Variants in RAPGEF1 observed in about 807,000 individuals in gnomAD.
The protein encoded by RAPGEF1 is Rap guanine nucleotide exchange factor 1.
Under a neutral mutation model 143.3 loss-of-function variants are expected in RAPGEF1, and 33 were observed. The observed-to-expected ratio is 0.23, with a 90% CI of 0.17 to 0.31. RAPGEF1 has a LOEUF of 0.31. Ranked by LOEUF, RAPGEF1 falls within the 10% of genes least tolerant of loss-of-function variation. The probability of loss-of-function intolerance (pLI) is 1.00; values close to 1 mark genes in which losing one functional copy is unlikely to be tolerated. For missense variants in RAPGEF1, 1,199 were observed against 1,645.4 expected (o/e 0.73, Z 4.69); for synonymous variants, 629 against 676.5 (o/e 0.93, Z 1.09).
At chr9:131,724,799 A>G (rs970881251) in intron 1 of RAPGEF1, among the ~76,000 whole-genome samples, 1 of 152,182 alleles carries the variant, frequency 6.6e-6, no homozygotes, top group Non-Finnish European at 1.5e-5. Context: ...AGATCTTGTG[A>G]TTCTGTTCTC....
intron 1 of RAPGEF1, among the ~76,000 whole-genome samples, chr9:131,657,543 C>T (rs1320270024): frequency 6.6e-6 from 1 of 152,234 alleles, no homozygotes; most frequent in Non-Finnish European, 1.5e-5. Flanking sequence ...CAGGCACCCA[C>T]CATCTGGCCT....
chr9:131,699,239 CT>C (rs35856609), intron 1 of RAPGEF1, among the ~76,000 whole-genome samples: 40,007 of 124,486 alleles, frequency 0.32, 6,276 homozygotes, highest in South Asian at 0.38. Flanking sequence ...TCCACTGACA[CT>C]TTTTTTTTTT....
chr9:131,640,021 A>G (rs530924952), intron 4 of RAPGEF1, among the ~76,000 whole-genome samples: 1 of 152,360 alleles, frequency 6.6e-6, no homozygotes, highest in East Asian at 1.9e-4. Flanking sequence ...ATTAGAAACA[A>G]ACAAACAAAA....
At chr9:131,657,120 GC>G (rs1564636787) in intron 1 of RAPGEF1, among the ~76,000 whole-genome samples, 2 of 152,346 alleles carry the variant, frequency 1.3e-5, no homozygotes, top group Admixed American at 1.3e-4. Flanking sequence ...TTCACACTAT[GC>G]CTTTGAGTGC....
At chr9:131,597,481 G>A (rs565204830) in intron 16 of RAPGEF1, among the ~76,000 whole-genome samples, 1 of 152,322 alleles carries the variant, frequency 6.6e-6, no homozygotes. Flanking sequence ...GGCAGTATCT[G>A]CCCTTTTGTC....
In RAPGEF1 at chr9:131,605,813, C is replaced by T. The variant is rs148786176; in HGVS notation, c.2062-625G>A. Among the ~76,000 whole-genome samples, 147 of 151,482 alleles carry T rather than the reference C, an allele frequency of 9.7e-4. 1 individual carries two copies. Among genetic ancestry groups the T allele is most frequent in the African/African-American group, 3.4e-3 (141 of 41,206 alleles). ...AGTAGGCTGGGCATGGTGGCTCACA[C>T]CTGCAGTCTCAGCTCTTTGGGAGGC... On this transcript the variant is annotated intron_variant, in intron 12 of 26. Transcript: ENST00000683357.
chr9:131,597,732 TTTTA>T (rs1472265914), intron 16 of RAPGEF1, among the ~76,000 whole-genome samples: 6 of 152,174 alleles, frequency 3.9e-5, no homozygotes, highest in Admixed American at 3.3e-4. Context: ...TTTTCTTTTT[TTTTA>T]GAGATGGGTC....
intron 17 of RAPGEF1, among the ~76,000 whole-genome samples, chr9:131,593,488 A>G (rs1389405096): frequency 2.6e-5 from 4 of 152,132 alleles, no homozygotes; most frequent in African/African-American, 9.7e-5. Context: ...GCAAACACGC[A>G]CTGCTTAAAT....
intron 1 of RAPGEF1, among the ~76,000 whole-genome samples, chr9:131,726,071 T>C (rs56005989): frequency 0.19 from 28,830 of 151,996 alleles, 3,386 homozygotes; most frequent in Non-Finnish European, 0.27. Context: ...AATTGGGTTG[T>C]TTTTTGTTGG....
In RAPGEF1 at chr9:131,582,716, A is replaced by ACAGGG; in HGVS notation, c.3415-15_3415-14insCCCTG. 1 of 1,557,660 alleles carries ACAGGG rather than the reference A, an allele frequency of 6.4e-7. No homozygotes were observed. The highest frequency in any genetic ancestry group is 2.5e-5 in the East Asian group (1 of 39,448). On this transcript the variant is annotated splice_polypyrimidine_tract_variant and intron_variant, in intron 24 of 26. Transcript: ENST00000683357. The stretch of plus-strand genomic sequence containing the variant: ...CTCGGCCAGGCCCTGGCAGGACAGG[A>ACAGGG]CAGGACAGGACCGGACAGGGGTGAG...
intron 1 of RAPGEF1, among the ~76,000 whole-genome samples, chr9:131,666,533 C>T (rs1189228501): frequency 6.6e-6 from 1 of 152,004 alleles, no homozygotes; most frequent in East Asian, 1.9e-4. Flanking sequence ...ACTACAGGTG[C>T]CTGCTACCAC....
chr9:131,693,439 A>T (rs3857983), intron 1 of RAPGEF1, among the ~76,000 whole-genome samples: 2 of 152,040 alleles, frequency 1.3e-5, no homozygotes, highest in Admixed American at 6.5e-5. Flanking sequence ...TCTGACCTTC[A>T]GAGAAATCAG....
intron 26 of RAPGEF1, 77 bp downstream of exon 26, chr9:131,580,186 G>A (rs1440763180): frequency 9.0e-6 from 14 of 1,560,002 alleles, no homozygotes; most frequent in African/African-American, 4.1e-5. Context: ...CCCTCCCCTC[G>A]GTGTCCCGGG....
intron 18 of RAPGEF1, among the ~76,000 whole-genome samples, 191 bp from the exon 19 acceptor site, chr9:131,590,169 C>T (rs1953961262): frequency 6.6e-6 from 1 of 152,204 alleles, no homozygotes; most frequent in Non-Finnish European, 1.5e-5. Flanking sequence ...TGAGCACAGG[C>T]GTCTGTCCCC....
intron 14 of RAPGEF1, among the ~76,000 whole-genome samples, chr9:131,603,014 G>A (rs1956522669): frequency 6.6e-6 from 1 of 152,254 alleles, no homozygotes; most frequent in South Asian, 2.1e-4. Context: ...GAGCCGGGGG[G>A]TGCCAGATGC....
chr9:131,650,840 G>A lies in RAPGEF1; in HGVS notation c.171C>T (p.Ser57=), dbSNP rs371182529. 3.7e-6 allele frequency: 6 copies of A among 1,613,804 alleles called. No individual in the cohort carries two copies. The highest frequency in any genetic ancestry group is 3.3e-5 in the South Asian group (3 of 91,076). The change falls in exon 2 of 27, where the codon TCC becomes TCT. Residue 57 remains serine (S), a synonymous_variant. Transcript: ENST00000683357. This position sits in a 1 kb window ranked among gnomAD's most constrained non-coding sequence, Gnocchi z 4.7. ...TCACAGGCTTCTCTGGAATCTTTAC[G>A]GACACCTCAGCTGGTTTTCCCTTCT... ...PSKKGKPAEV[S]VKIPEKPVNK...
chr9:131,680,176 G>A (rs972298467), intron 1 of RAPGEF1, among the ~76,000 whole-genome samples: 3 of 152,238 alleles, frequency 2.0e-5, no homozygotes, highest in Admixed American at 1.3e-4. Context: ...TGAATCCAGT[G>A]TAGAGAGTTA....
chr9:131,738,824 A>C (rs2131375211), intron 1 of RAPGEF1, among the ~76,000 whole-genome samples: 1 of 152,302 alleles, frequency 6.6e-6, no homozygotes, highest in Non-Finnish European at 1.5e-5. Flanking sequence ...AGTATCCCAG[A>C]TTCAACCCAG....
intron 12 of RAPGEF1, among the ~76,000 whole-genome samples, chr9:131,614,437 C>T (rs1255376222): frequency 6.6e-6 from 1 of 152,268 alleles, no homozygotes; most frequent in Non-Finnish European, 1.5e-5. Flanking sequence ...CTCTATCTCT[C>T]CCCTTTCCTG....
Sources: allele counts gnomAD v4.1 joint callset (sites outside exome capture counted in the v4.1 genomes callset), GRCh38; gene constraint gnomAD v4.1.1; non-coding constraint Gnocchi (gnomAD v3.1); transcripts MANE v1.5; gene names NCBI Gene and HGNC (gene_info 2026-07-23, HGNC 2026-07-21).